SEMA3E: variants seen among roughly 807,000 people sequenced by gnomAD.
SEMA3E encodes semaphorin-3E.
In SEMA3E, 49 loss-of-function variants were observed where a neutral mutation model predicts 93.6. The ratio of observed to expected loss-of-function variants is 0.52; its 90% CI spans 0.42 to 0.66. The LOEUF (loss-of-function observed/expected upper bound fraction) is 0.66. Among genes scored for constraint, SEMA3E ranks in the 30% least tolerant of loss-of-function variants. The pLI, the probability that SEMA3E is intolerant of heterozygous loss-of-function variation, is 0.00. For missense variants in SEMA3E, 906 were observed against 964.8 expected (o/e 0.94, Z 0.81); for synonymous variants, 363 against 330.7 (o/e 1.10, Z -1.06).
intron 1 of SEMA3E, among the ~76,000 whole-genome samples, chr7:83,628,514 T>A (rs1332150824): frequency 1.3e-5 from 2 of 151,940 alleles, no homozygotes; most frequent in Non-Finnish European, 2.9e-5. Flanking sequence ...TAATCTTGTC[T>A]TCATGCTTTA....
chr7:83,433,154 A>G (rs1788926378), intron 4 of SEMA3E, among the ~76,000 whole-genome samples: 1 of 152,134 alleles, frequency 6.6e-6, no homozygotes, highest in Non-Finnish European at 1.5e-5. Context: ...AAACTCACAC[A>G]TTTGTTGCAA....
chr7:83,533,654 A>G (rs1399353673), intron 1 of SEMA3E, among the ~76,000 whole-genome samples: 3 of 152,196 alleles, frequency 2.0e-5, no homozygotes, highest in Non-Finnish European at 4.4e-5. Context: ...ATTAAATGCC[A>G]CAGAAGTCCT....
At position 83,367,814 on chromosome 7, in the gene SEMA3E, A is replaced by G. The variant is rs1794694539; in HGVS notation, c.2100T>C (p.Ser700=). The G allele has an allele frequency of 2.5e-6, 4 of 1,613,888 alleles. No homozygotes were observed. Among genetic ancestry groups the G allele is most frequent in the East Asian group, 4.5e-5 (2 of 44,858 alleles). ...RHHRMPCPAQ[S]SISQGAKPWY... ...ATGGTTTTGCTCCCTGCGAGATGCT[A>G]CTCTGAGCAGGACAAGGCATCCTGT... is the stretch of plus-strand genomic sequence containing the variant. The change falls in exon 17 of 17, where the codon AGT becomes AGC. Residue 700 remains serine (S), a synonymous_variant. Coordinates refer to ENST00000643230, the MANE Select transcript of SEMA3E (RefSeq NM_012431.3).
chr7:83,379,842 T>C (rs180911297), intron 16 of SEMA3E, among the ~76,000 whole-genome samples: 1 of 152,076 alleles, frequency 6.6e-6, no homozygotes, highest in African/African-American at 2.4e-5. Context: ...TTAAAAATAT[T>C]AATCATGCTT....
At chr7:83,511,821 G>A (rs141896160) in intron 1 of SEMA3E, among the ~76,000 whole-genome samples, 6 of 152,192 alleles carry the variant, frequency 3.9e-5, no homozygotes, top group South Asian at 4.2e-4. Context: ...CTTGAACTCC[G>A]CGAGGCAGAG....
Position 83,367,698 on chromosome 7 carries a change from C to T in SEMA3E, c.2216G>A (p.Arg739Lys), listed in dbSNP as rs750426538. 9 of 1,613,936 alleles carry T rather than the reference C, an allele frequency of 5.6e-6. No homozygotes were observed. The highest frequency in any genetic ancestry group is 7.6e-6 in the Non-Finnish European group (9 of 1,180,008). Residue 739 changes from arginine to lysine, a missense_variant, in exon 17 of 17, where the codon AGG becomes AAG. Transcript: ENST00000643230. Reference sequence around the variant, plus strand: ...GGAGGGTGACATTTTAAGCTTTTTCCTCTTTCTATCTGTGCACCATACTTT... The same window carrying T: ...GGAGGGTGACATTTTAAGCTTTTTCTTCTTTCTATCTGTGCACCATACTTT... Reference protein sequence around the residue: ...CEKVWCTDRKRKKLKMSPSKW... With the variant: ...CEKVWCTDRKKKKLKMSPSKW...
At chr7:83,480,350 C>A (rs1465898815) in intron 2 of SEMA3E, among the ~76,000 whole-genome samples, 6 of 152,100 alleles carry the variant, frequency 3.9e-5, no homozygotes, top group Non-Finnish European at 8.8e-5. Flanking sequence ...ATCAATTGAA[C>A]CCTAGAGGCA....
In SEMA3E at chr7:83,392,623, T is replaced by C. The variant is rs1454351864; in HGVS notation, c.1599A>G (p.Arg533=). 1 of 1,613,904 alleles carries C rather than the reference T, an allele frequency of 6.2e-7. No homozygotes were observed. The highest frequency in any genetic ancestry group is 8.5e-7 in the Non-Finnish European group (1 of 1,179,886). Reference sequence around the variant, plus strand: ...TGCCATCCCAGGCACAGTAAGGGTCTCGAGCCAGGCAGCAGTCAGCACAAG... The same window carrying C: ...TGCCATCCCAGGCACAGTAAGGGTCCCGAGCCAGGCAGCAGTCAGCACAAG... ...GSACADCCLA[R]DPYCAWDGIS... Residue 533 remains arginine, a synonymous_variant, in exon 14 of 17, where the codon CGA becomes CGG. Coordinates refer to ENST00000643230, the MANE Select transcript of SEMA3E (RefSeq NM_012431.3).
At chr7:83,641,265 C>T (rs1794003943) in intron 1 of SEMA3E, 1 of 360,710 alleles carries the variant, frequency 2.8e-6, no homozygotes, top group Admixed American at 6.4e-5. Flanking sequence ...TTCAGATACT[C>T]ACTTGATGAG....
intron 2 of SEMA3E, 100 bp from the exon 3 acceptor site, chr7:83,469,402 T>C: frequency 1.9e-6 from 1 of 534,678 alleles, no homozygotes; most frequent in Non-Finnish European, 3.2e-6. Context: ...CATTTCCTTT[T>C]TTTTTTTTTT....
intron 5 of SEMA3E, among the ~76,000 whole-genome samples, chr7:83,412,190 T>C (rs1027418034): frequency 5.3e-5 from 8 of 152,270 alleles, no homozygotes; most frequent in African/African-American, 1.9e-4. Flanking sequence ...GCTTTTTCCA[T>C]GACACCTTGT....
intron 1 of SEMA3E, among the ~76,000 whole-genome samples, chr7:83,638,019 T>C (rs1439665128): frequency 6.6e-6 from 1 of 152,146 alleles, no homozygotes; most frequent in Non-Finnish European, 1.5e-5. Context: ...CAATAAACTT[T>C]GTTAATTACT....
intron 12 of SEMA3E, among the ~76,000 whole-genome samples, chr7:83,394,967 A>G (rs1229410751): frequency 6.6e-6 from 1 of 152,226 alleles, no homozygotes; most frequent in Admixed American, 6.6e-5. Context: ...AACTCAGATC[A>G]GCTGTGCAAG....
intron 4 of SEMA3E, among the ~76,000 whole-genome samples, chr7:83,437,040 GAC>G (rs1562782316): frequency 6.6e-6 from 1 of 152,114 alleles, no homozygotes; most frequent in Non-Finnish European, 1.5e-5. Flanking sequence ...GATCTCGTGA[GAC>G]TTACTATCAT....
At chr7:83,537,993 C>T (rs1791440053) in intron 1 of SEMA3E, among the ~76,000 whole-genome samples, 3 of 151,994 alleles carry the variant, frequency 2.0e-5, no homozygotes, top group Non-Finnish European at 2.9e-5. Context: ...ACTTTTATAA[C>T]TTGTTTTTTT....
At chr7:83,405,173 G>A (rs879308593) in intron 9 of SEMA3E, among the ~76,000 whole-genome samples, 1 of 151,980 alleles carries the variant, frequency 6.6e-6, no homozygotes, top group Non-Finnish European at 1.5e-5. Flanking sequence ...AAAAATCACT[G>A]TGTTCTAGAT....
At chr7:83,439,636 C>G (rs1407762139) in intron 4 of SEMA3E, among the ~76,000 whole-genome samples, 3 of 152,184 alleles carry the variant, frequency 2.0e-5, no homozygotes, top group African/African-American at 4.8e-5. Flanking sequence ...CACAGTCTAA[C>G]CTGTTCTAAT....
At chr7:83,527,199 T>A (rs577697123) in intron 1 of SEMA3E, among the ~76,000 whole-genome samples, 1 of 147,782 alleles carries the variant, frequency 6.8e-6, no homozygotes, top group Admixed American at 6.6e-5. Flanking sequence ...GAAAAAAAGG[T>A]TTTTTTCTCT....
chr7:83,535,768 C>A (rs1206288760), intron 1 of SEMA3E, among the ~76,000 whole-genome samples: 1 of 152,066 alleles, frequency 6.6e-6, no homozygotes, highest in Non-Finnish European at 1.5e-5. Flanking sequence ...TTAGAAAGAT[C>A]TTCACCACAT....
Sources: allele counts gnomAD v4.1 joint callset (sites outside exome capture counted in the v4.1 genomes callset), GRCh38; gene constraint gnomAD v4.1.1; transcripts MANE v1.5; gene names NCBI Gene and HGNC (gene_info 2026-07-23, HGNC 2026-07-21).